Variants in PRDM11 observed in about 807,000 individuals in gnomAD.
The protein encoded by PRDM11 is PR domain-containing protein 11.
PRDM11 carries 20 observed loss-of-function variants against 97.8 expected under a neutral mutation model. The observed-to-expected ratio is 0.20, with a 90% CI of 0.14 to 0.30. PRDM11 has a LOEUF of 0.30. Among genes scored for constraint, PRDM11 ranks in the 10% least tolerant of loss-of-function variants. The pLI is 1.00. For synonymous variants in PRDM11, 599 were observed against 637.7 expected, an observed-to-expected ratio of 0.94 and a Z score of 0.91; for missense variants, 1,139 against 1,555.2, an observed-to-expected ratio of 0.73 and a Z score of 4.50.
chr11:45,139,833 C>G (rs1307381884), intron 1 of PRDM11, among the ~76,000 whole-genome samples: 2 of 152,136 alleles, frequency 1.3e-5, no homozygotes, highest in Non-Finnish European at 2.9e-5. Context: ...TCTCACTCAT[C>G]TTAGTGGCTC....
chr11:45,184,836 A>G (rs1319879833), intron 4 of PRDM11, among the ~76,000 whole-genome samples: 1 of 152,104 alleles, frequency 6.6e-6, no homozygotes, highest in East Asian at 1.9e-4. Context: ...ATGGGTGGTC[A>G]GTGGGGGTGT....
intron 1 of PRDM11, among the ~76,000 whole-genome samples, chr11:45,151,484 AC>A (rs1301212114): frequency 1.8e-4 from 27 of 152,088 alleles, no homozygotes; most frequent in African/African-American, 6.5e-4. Flanking sequence ...GGAGGCCTGG[AC>A]CCCCATCTGG....
At position 45,182,147 on chromosome 11, in the gene PRDM11, C is replaced by A. The variant is rs562027968; in HGVS notation, c.120-99C>A. ...TGGGACTCCTCTGCCCACCCCACAT[C>A]TTCTCGGTCTCCTGGCCAGGTCCCC... On this transcript the variant is annotated intron_variant, in intron 2 of 7. Coordinates refer to ENST00000683152, the MANE Select transcript of PRDM11 (RefSeq NM_001384648.1). The A allele has an allele frequency of 1.9e-3, 1,957 of 1,057,612 alleles. 2 individuals are homozygous for A. The highest frequency in any genetic ancestry group is 2.5e-3 in the Non-Finnish European group (1,771 of 712,558). 65.5% of individuals were successfully genotyped at this position (1,057,612 alleles called of 1,614,324 possible).
At chr11:45,145,395 G>A (rs1379936965), upstream of PRDM11, among the ~76,000 whole-genome samples, 1 of 152,164 alleles carries the variant, frequency 6.6e-6, no homozygotes, top group East Asian at 1.9e-4. Flanking sequence ...AAAGCCATGA[G>A]CACCCCCATC....
At position 45,234,763 on chromosome 11, in the gene PRDM11, AC is replaced by A. The variant is rs761726387; in HGVS notation, c.*6606del. ...TCTTCACTTTTGTCTCTCCGGAAGA[AC>A]CAGCAGTCTGATTCCGTCTATTTCA... On this transcript the variant is annotated 3_prime_UTR_variant, in exon 8 of 8. Coordinates refer to ENST00000683152, the MANE Select transcript of PRDM11 (RefSeq NM_001384648.1). 1.3e-5 allele frequency: 2 copies of A among 152,258 alleles called. No homozygotes were observed. Among genetic ancestry groups the A allele is most frequent in the Non-Finnish European group, 2.9e-5 (2 of 68,124 alleles). The allele number at this position is 152,258 out of a possible 1,614,324, so 9.4% of individuals were successfully genotyped here.
At chr11:45,179,682 G>A (rs747883078) in intron 1 of PRDM11, among the ~76,000 whole-genome samples, 3 of 152,178 alleles carry the variant, frequency 2.0e-5, no homozygotes, top group Admixed American at 6.5e-5. Flanking sequence ...TAACCCTTAT[G>A]ACCTCAATTA....
At chr11:45,132,748 G>A (rs1669266066) in intron 1 of PRDM11, among the ~76,000 whole-genome samples, 2 of 152,112 alleles carry the variant, frequency 1.3e-5, no homozygotes, top group African/African-American at 4.8e-5. Flanking sequence ...ACCTCTTACA[G>A]GAAACCCAGA....
intron 1 of PRDM11, among the ~76,000 whole-genome samples, chr11:45,106,438 G>A (rs1015278834): frequency 6.6e-6 from 1 of 152,062 alleles, no homozygotes; most frequent in African/African-American, 2.4e-5. Flanking sequence ...GTTCTCTCAC[G>A]AGCTAGATGT....
At chr11:45,167,138 C>A (rs1406312317) in intron 1 of PRDM11, among the ~76,000 whole-genome samples, 1 of 152,196 alleles carries the variant, frequency 6.6e-6, no homozygotes, top group East Asian at 1.9e-4. Context: ...ATGGAATTCA[C>A]TTTCACAAAG....
chr11:45,111,450 C>T (rs984851210), intron 1 of PRDM11, among the ~76,000 whole-genome samples: 10 of 152,196 alleles, frequency 6.6e-5, no homozygotes, highest in African/African-American at 2.4e-5. Flanking sequence ...GACTCTCTCT[C>T]ATCTGGAAGC....
At chr11:45,174,580 C>T (rs1023438230) in intron 1 of PRDM11, among the ~76,000 whole-genome samples, 4 of 152,184 alleles carry the variant, frequency 2.6e-5, no homozygotes, top group East Asian at 1.9e-4. Flanking sequence ...ATGCATCAAG[C>T]GCCACTTGTG....
chr11:45,131,529 C>T (rs895264970), intron 1 of PRDM11, among the ~76,000 whole-genome samples: 50 of 152,052 alleles, frequency 3.3e-4, no homozygotes, highest in Non-Finnish European at 1.2e-4. Flanking sequence ...AGAAAATTAC[C>T]CCTGAAACCA....
chr11:45,130,281 T>C (rs2135645261), intron 1 of PRDM11, among the ~76,000 whole-genome samples: 1 of 152,254 alleles, frequency 6.6e-6, no homozygotes, highest in South Asian at 2.1e-4. Flanking sequence ...AATTAAGAAC[T>C]TCTGTTCATT....
At chr11:45,193,187 C>T (rs1190939411) in intron 4 of PRDM11, among the ~76,000 whole-genome samples, 1 of 152,232 alleles carries the variant, frequency 6.6e-6, no homozygotes, top group African/African-American at 2.4e-5. Context: ...AGCCATCCTC[C>T]TGCCTCAGCC....
Position 45,224,419 on chromosome 11 carries a change from T to C in PRDM11, c.945T>C (p.Ser315=). The change falls in exon 7 of 8, where the codon TCT becomes TCC. Residue 315 remains serine, a synonymous_variant. Coordinates refer to ENST00000683152, the MANE Select transcript of PRDM11 (RefSeq NM_001384648.1). ...FKDVLEASLE[S]AKVEAHQLAL... ...ATGTTCTGGAGGCCTCACTGGAATC[T>C]GCGAAGGTGGAAGCCCACCAGTTGG... The C allele has an allele frequency of 6.2e-7, 1 of 1,614,202 alleles. No homozygotes were observed. The highest frequency in any genetic ancestry group is 1.1e-5 in the South Asian group (1 of 91,078).
chr11:45,108,637 G>A (rs1029346947), intron 1 of PRDM11, among the ~76,000 whole-genome samples: 18 of 152,270 alleles, frequency 1.2e-4, no homozygotes, highest in Middle Eastern at 3.4e-3. Flanking sequence ...GAGTGAGGAC[G>A]AGCTGCCTCC....
intron 1 of PRDM11, among the ~76,000 whole-genome samples, chr11:45,132,022 A>G (rs775682727): frequency 3.3e-5 from 5 of 152,198 alleles, no homozygotes; most frequent in Admixed American, 1.3e-4. Context: ...GAGGACCATC[A>G]TCTTCTGTGG....
intron 1 of PRDM11, among the ~76,000 whole-genome samples, chr11:45,180,974 G>A (rs1241539002): frequency 6.6e-6 from 1 of 152,152 alleles, no homozygotes; most frequent in Non-Finnish European, 1.5e-5. Flanking sequence ...GGGCTGATTA[G>A]CCGAGGAGCA....
intron 5 of PRDM11, among the ~76,000 whole-genome samples, chr11:45,205,697 A>G (rs895346477): frequency 3.9e-5 from 6 of 152,110 alleles, no homozygotes; most frequent in African/African-American, 1.4e-4. Context: ...AACTTCCTAA[A>G]AAGGAGTGTG....
Sources: gnomAD v4.1 joint callset for allele counts (sites outside exome capture counted in the v4.1 genomes callset) on GRCh38, gnomAD v4.1.1 for gene constraint, MANE v1.5 for transcripts, NCBI Gene and HGNC (gene_info 2026-07-23, HGNC 2026-07-21) for gene names.